The following RND1 variants were observed in gnomAD, a reference collection of about 807,000 sequenced individuals.
RND1 encodes the protein Rho family GTPase 1.
RND1 carries 9 observed loss-of-function variants against 27.1 expected under a neutral mutation model. That is an observed-to-expected ratio of 0.33 (90% CI 0.20 to 0.58). RND1 has a LOEUF of 0.58. RND1 is among the 20% of genes least tolerant of loss of function. The pLI is 0.86. For missense variants in RND1, 253 were observed against 292.2 expected (o/e 0.87, Z 0.98); for synonymous variants, 108 against 115.7 (o/e 0.93, Z 0.43).
Position 48,860,711 on chromosome 12 carries a change from T to TG in RND1, c.453+285_453+286insC, listed in dbSNP as rs540117421. Among the ~76,000 whole-genome samples, 251 of 151,798 alleles carry TG rather than the reference T, an allele frequency of 1.7e-3. 2 individuals are homozygous for TG. In the Middle Eastern group the frequency reaches 0.024, roughly 14 times the overall value. ...CCACCTTGCACCTGGCCTCTTTTTT[T>TG]TGTGTGTGTGAAATTCTAACAAACA... On this transcript the variant is annotated intron_variant, in intron 4 of 4. Transcript: ENST00000309739.
intron 1 of RND1, among the ~76,000 whole-genome samples, chr12:48,865,170 A>G (rs944450141): frequency 6.6e-6 from 1 of 152,078 alleles, no homozygotes; most frequent in Non-Finnish European, 1.5e-5. Flanking sequence ...GTGTTTCCCA[A>G]TTTGAGAGAG....
chr12:48,865,830 C>T lies in RND1; in HGVS notation c.-63G>A. Reference sequence around the variant, plus strand: ...AGGGAGGGTTGCGCCAGGTGCGTCTCAGCACGCCAATCAAGCCAGATTCCC... The same window carrying T: ...AGGGAGGGTTGCGCCAGGTGCGTCTTAGCACGCCAATCAAGCCAGATTCCC... On this transcript the variant is annotated 5_prime_UTR_variant, in exon 1 of 5. Transcript: ENST00000309739. The T allele has an allele frequency of 1.3e-6, 2 of 1,530,012 alleles. No homozygotes were observed. 94.8% of individuals were successfully genotyped at this position (1,530,012 alleles called of 1,614,324 possible). A position where few individuals can be genotyped will look rare whatever the true frequency, so the allele number is the denominator to read the frequency against.
In RND1 at chr12:48,865,842, C is replaced by G. The variant is rs1454624472; in HGVS notation, c.-75G>C. On this transcript the variant is annotated 5_prime_UTR_variant, in exon 1 of 5. Coordinates refer to ENST00000309739, the MANE Select transcript of RND1 (RefSeq NM_014470.4). ...GCCAGGTGCGTCTCAGCACGCCAAT[C>G]AAGCCAGATTCCCTGCCTCCCTCCA... 6.6e-7 allele frequency: 1 copy of G among 1,518,220 alleles called. No individual in the cohort carries two copies. Among genetic ancestry groups the G allele is most frequent in the Non-Finnish European group, 8.8e-7 (1 of 1,130,200 alleles). 94.0% of individuals were successfully genotyped at this position (1,518,220 alleles called of 1,614,324 possible).
At position 48,858,281 on chromosome 12, in the gene RND1, A is replaced by G. The variant is rs1253038790; in HGVS notation, c.454-40T>C. 1.9e-6 allele frequency: 3 copies of G among 1,598,708 alleles called. No homozygotes were observed. The South Asian group carries it at 3.4e-5, about 18-fold the overall frequency. On this transcript the variant is annotated intron_variant, in intron 4 of 4. Coordinates refer to ENST00000309739, the MANE Select transcript of RND1 (RefSeq NM_014470.4). ...GAGGGCATTAATGCAGTGGGCCAAA[A>G]TGGCTCTGGGACGCTGCCTCTGTGC... is the stretch of plus-strand genomic sequence containing the variant.
chr12:48,858,419 T>C (rs1938873202), intron 4 of RND1, 178 bp from the exon 5 acceptor site: 3 of 606,394 alleles, frequency 4.9e-6, no homozygotes, highest in South Asian at 2.3e-5. Flanking sequence ...GCATACACCC[T>C]GTCTGATGAT....
chr12:48,860,887 C>G (rs1215306338), intron 4 of RND1, 110 bp downstream of exon 4: 6 of 1,490,668 alleles, frequency 4.0e-6, no homozygotes, highest in African/African-American at 2.8e-5. Flanking sequence ...ATTATAACAG[C>G]AATTCTCTCT....
intron 4 of RND1, among the ~76,000 whole-genome samples, chr12:48,859,624 C>A (rs1938892051): frequency 6.6e-6 from 1 of 151,962 alleles, no homozygotes. Context: ...TGGTGACTCA[C>A]AACTGTAATC....
intron 4 of RND1, among the ~76,000 whole-genome samples, chr12:48,860,256 G>T (rs575850600): frequency 1.3e-5 from 2 of 150,804 alleles, no homozygotes; most frequent in Non-Finnish European, 3.0e-5. Context: ...GCTACTTTTG[G>T]TATTTTTAGT....
At position 48,857,234 on chromosome 12, in the gene RND1, C is replaced by T. The variant is rs1938853235; in HGVS notation, c.*762G>A. 6.6e-6 allele frequency: 1 copy of T among 151,240 alleles called. No homozygotes were observed. Among genetic ancestry groups the T allele is most frequent in the African/African-American group, 2.4e-5 (1 of 40,874 alleles). The allele number at this position is 151,240 out of a possible 1,614,324, so 9.4% of individuals were successfully genotyped here. A position where few individuals can be genotyped will look rare whatever the true frequency, so the allele number is the denominator to read the frequency against. ...ACAGATTGAAACACTCCCCCCCTCC[C>T]CCCAATTCCAAAGACAAGAGTCTAT... On this transcript the variant is annotated 3_prime_UTR_variant, in exon 5 of 5. Transcript: ENST00000309739.
At chr12:48,865,406 A>G in intron 1 of RND1, 1 of 541,412 alleles carries the variant, frequency 1.8e-6, no homozygotes, top group Non-Finnish European at 3.4e-6. Context: ...AGGGGATCTG[A>G]TGGGTCCTCT....
At chr12:48,864,417 G>GTGCGCA in intron 2 of RND1, among the ~76,000 whole-genome samples, 1 of 67,662 alleles carries the variant, frequency 1.5e-5, no homozygotes, top group South Asian at 5.4e-4. Context: ...GTGTGTGTGT[G>GTGCGCA]CGCGCGCGCG....
At chr12:48,858,472 C>A (rs1938873817) in intron 4 of RND1, 2 of 477,794 alleles carry the variant, frequency 4.2e-6, no homozygotes, top group East Asian at 3.7e-5. Flanking sequence ...CATTATAAAT[C>A]ATCTGGAATA....
rs752318862 is a variant in RND1, at chr12:48,864,750, G to T, written c.208+33C>A. 5.5e-6 allele frequency: 8 copies of T among 1,460,390 alleles called. No homozygotes were observed. In the African/African-American group the frequency reaches 7.0e-5, roughly 13 times the overall value. The allele number at this position is 1,460,390 out of a possible 1,614,324, so 90.5% of individuals were successfully genotyped here. On this transcript the variant is annotated intron_variant, in intron 2 of 4. Transcript: ENST00000309739. ...GCAGCTACACAGCAGACCAGTAGGG[G>T]TGGGAAAGGGGTATTTGGAGCAGAA...
chr12:48,858,173 C>T lies in RND1; in HGVS notation c.522G>A (p.Lys174=), dbSNP rs202026095. The stretch of plus-strand genomic sequence containing the variant: ...CCGTCCGAAAGATGCTGTGGATGCT[C>T]TTTTCTGAGGTGAAAGCTGAGCCTT... ...YLEGSAFTSE[K]SIHSIFRTAS... Residue 174 remains lysine, a synonymous_variant, in exon 5 of 5, where the codon AAG becomes AAA. Coordinates refer to ENST00000309739, the MANE Select transcript of RND1 (RefSeq NM_014470.4). 2 of 1,614,136 alleles carry T rather than the reference C, an allele frequency of 1.2e-6. No individual in the cohort carries two copies. Among genetic ancestry groups the T allele is most frequent in the African/African-American group, 1.3e-5 (1 of 75,032 alleles).
chr12:48,858,371 A>T, intron 4 of RND1, 130 bp from the exon 5 acceptor site: 72 of 753,972 alleles, frequency 9.5e-5, no homozygotes, highest in South Asian at 1.6e-4. Flanking sequence ...CCCTCTGCAG[A>T]TTATTCGATT....
At chr12:48,859,489 G>A (rs1161981131) in intron 4 of RND1, among the ~76,000 whole-genome samples, 1 of 152,020 alleles carries the variant, frequency 6.6e-6, no homozygotes, top group Non-Finnish European at 1.5e-5. Context: ...GCAGTGAGCT[G>A]AGATCGCACC....
intron 2 of RND1, among the ~76,000 whole-genome samples, chr12:48,862,763 T>C (rs1938933039): frequency 6.6e-6 from 1 of 152,134 alleles, no homozygotes; most frequent in Non-Finnish European, 1.5e-5. Flanking sequence ...ATTTAGAGGC[T>C]AGAGCAAGAG....
intron 4 of RND1, chr12:48,858,826 A>T (rs1330057018): frequency 6.7e-6 from 1 of 148,876 alleles, no homozygotes; most frequent in Admixed American, 6.7e-5. Flanking sequence ...GTGAGCTAGG[A>T]TCACACCACT....
chr12:48,862,971 G>C (rs191302267), intron 2 of RND1, among the ~76,000 whole-genome samples: 76 of 152,086 alleles, frequency 5.0e-4, no homozygotes, highest in Admixed American at 4.2e-3. Context: ...ATCCAAGCTG[G>C]TGGGGGGATG....
Sources: allele counts gnomAD v4.1 joint callset (sites outside exome capture counted in the v4.1 genomes callset), GRCh38; gene constraint gnomAD v4.1.1; transcripts MANE v1.5; gene names NCBI Gene and HGNC (gene_info 2026-07-23, HGNC 2026-07-21).